GABBR2: variants seen among roughly 807,000 people sequenced by gnomAD.
The protein encoded by GABBR2 is G-protein coupled receptor 51.
In GABBR2, 23 loss-of-function variants were observed where a neutral mutation model predicts 105.6. The ratio of observed to expected loss-of-function variants is 0.22; its 90% CI spans 0.16 to 0.31. The LOEUF is 0.31. Ranked by LOEUF, GABBR2 falls within the 10% of genes least tolerant of loss-of-function variation. The pLI is 1.00. For missense variants in GABBR2, 734 were observed against 1,245.5 expected, an observed-to-expected ratio of 0.59 and a Z score of 6.18; for synonymous variants, 478 against 499.7, an observed-to-expected ratio of 0.96 and a Z score of 0.58.
chr9:98,300,759 T>C (rs1352519274), intron 16 of GABBR2, among the ~76,000 whole-genome samples: 1 of 152,202 alleles, frequency 6.6e-6, no homozygotes, highest in African/African-American at 2.4e-5. Context: ...TAATCTGATG[T>C]AGGTCAAAAG....
chr9:98,461,493 T>G (rs1458046797), intron 6 of GABBR2, among the ~76,000 whole-genome samples: 4 of 152,186 alleles, frequency 2.6e-5, no homozygotes, highest in Admixed American at 2.0e-4. Flanking sequence ...TATGGCCTTT[T>G]CAATAAATAG....
At chr9:98,334,695 C>T (rs764629538) in intron 13 of GABBR2, among the ~76,000 whole-genome samples, 7 of 152,172 alleles carry the variant, frequency 4.6e-5, no homozygotes, top group South Asian at 2.1e-4. Flanking sequence ...CAGCAATGAT[C>T]GTGTTTCTTC....
At chr9:98,529,935 G>A (rs986273217) in intron 3 of GABBR2, among the ~76,000 whole-genome samples, 5 of 151,986 alleles carry the variant, frequency 3.3e-5, no homozygotes, top group Admixed American at 2.0e-4. Context: ...TGGAGCTATC[G>A]AGCCCCAACA....
chr9:98,400,982 G>A (rs1444773515), intron 8 of GABBR2, among the ~76,000 whole-genome samples: 6 of 152,112 alleles, frequency 3.9e-5, no homozygotes, highest in African/African-American at 4.8e-5. Context: ...TGAGGTGTGC[G>A]AATTGTGTCC....
At chr9:98,672,557 A>T (rs1830420105) in intron 1 of GABBR2, among the ~76,000 whole-genome samples, 2 of 152,254 alleles carry the variant, frequency 1.3e-5, no homozygotes, top group Non-Finnish European at 2.9e-5. Context: ...CCAGATGGGC[A>T]CAGCATTCTG....
At chr9:98,485,960 T>C (rs999113494) in intron 4 of GABBR2, among the ~76,000 whole-genome samples, 1 of 152,076 alleles carries the variant, frequency 6.6e-6, no homozygotes, top group Non-Finnish European at 1.5e-5. Context: ...CCGGCCCCCC[T>C]GCTGAAAGTT....
chr9:98,327,866 C>CAA (rs35475912), intron 13 of GABBR2, among the ~76,000 whole-genome samples: 45,261 of 145,194 alleles, frequency 0.31, 7,307 homozygotes, highest in East Asian at 0.46. Flanking sequence ...GAGACTGTCT[C>CAA]AAAAAAAATA....
At chr9:98,603,775 G>A (rs890886898) in intron 1 of GABBR2, among the ~76,000 whole-genome samples, 5 of 152,108 alleles carry the variant, frequency 3.3e-5, no homozygotes, top group Non-Finnish European at 7.3e-5. Flanking sequence ...AGACCTTCCA[G>A]GGTAGCACAC....
At chr9:98,644,468 G>C (rs770783829) in intron 1 of GABBR2, among the ~76,000 whole-genome samples, 8 of 152,214 alleles carry the variant, frequency 5.3e-5, no homozygotes, top group Non-Finnish European at 1.0e-4. Context: ...CTCTAGTGCA[G>C]GACAGTTCTC....
chr9:98,376,236 G>A (rs953432254), intron 11 of GABBR2, among the ~76,000 whole-genome samples: 38 of 152,224 alleles, frequency 2.5e-4, no homozygotes, highest in African/African-American at 7.7e-4. Flanking sequence ...AGCATGCCTG[G>A]GAGGGTGAAG....
intron 12 of GABBR2, among the ~76,000 whole-genome samples, chr9:98,365,703 C>A (rs1831663763): frequency 2.6e-5 from 4 of 152,172 alleles, no homozygotes; most frequent in Admixed American, 2.6e-4. Flanking sequence ...AAGAAACATG[C>A]ATGTTTGTGG....
In GABBR2 at chr9:98,705,335, A is replaced by C. The variant is rs77415443; in HGVS notation, c.321+3082T>G. Among the ~76,000 whole-genome samples the C allele has an allele frequency of 2.8e-3, 423 of 152,358 alleles. 7 individuals are homozygous for C. The East Asian group carries it at 0.036, about 13-fold the overall frequency. Reference sequence around the variant, plus strand: ...GAAAATCTACCACTATTCTACTTACAGAAGAGAGTCAATCTGGTTGTAGGA... The same window carrying C: ...GAAAATCTACCACTATTCTACTTACCGAAGAGAGTCAATCTGGTTGTAGGA... On this transcript the variant is annotated intron_variant, in intron 1 of 18. Transcript: ENST00000259455.
chr9:98,578,907 T>C (rs1485337532), intron 1 of GABBR2, among the ~76,000 whole-genome samples: 1 of 152,158 alleles, frequency 6.6e-6, no homozygotes, highest in African/African-American at 2.4e-5. Flanking sequence ...TCTACAGTAG[T>C]TAAATTCATA....
chr9:98,359,603 GC>G (rs752147997), intron 13 of GABBR2, among the ~76,000 whole-genome samples: 2 of 152,088 alleles, frequency 1.3e-5, no homozygotes, highest in Non-Finnish European at 2.9e-5. Context: ...TTATTCTCAA[GC>G]CCTGGGTTCT....
At chr9:98,322,746 T>A (rs72759625) in intron 13 of GABBR2, among the ~76,000 whole-genome samples, 5,207 of 152,140 alleles carry the variant, frequency 0.034, 115 homozygotes, top group Middle Eastern at 0.054. Context: ...GGGATACCCT[T>A]CTTCATAGGA....
intron 5 of GABBR2, among the ~76,000 whole-genome samples, chr9:98,480,406 A>G (rs1826891620): frequency 6.6e-6 from 1 of 151,994 alleles, no homozygotes; most frequent in African/African-American, 2.4e-5. Context: ...AAGTCCCTTT[A>G]CTCTATGGAG....
At chr9:98,617,169 T>C (rs1188085579) in intron 1 of GABBR2, among the ~76,000 whole-genome samples, 2 of 152,204 alleles carry the variant, frequency 1.3e-5, no homozygotes, top group Admixed American at 6.5e-5. Context: ...ATCACAAGTT[T>C]CTGTCAGATG....
intron 4 of GABBR2, among the ~76,000 whole-genome samples, chr9:98,493,118 G>T (rs1426439396): frequency 1.3e-5 from 2 of 152,086 alleles, no homozygotes; most frequent in Non-Finnish European, 2.9e-5. Context: ...TATACTTTGG[G>T]TTATATTCTA....
chr9:98,405,375 G>A (rs538219505), intron 8 of GABBR2, among the ~76,000 whole-genome samples: 3 of 152,204 alleles, frequency 2.0e-5, no homozygotes, highest in East Asian at 1.9e-4. Context: ...TGCTATGAAC[G>A]CATCTGTGGA....
Sources: gnomAD v4.1 joint callset for allele counts (sites outside exome capture counted in the v4.1 genomes callset) on GRCh38, gnomAD v4.1.1 for gene constraint, MANE v1.5 for transcripts, NCBI Gene and HGNC (gene_info 2026-07-23, HGNC 2026-07-21) for gene names.